UPP2: variants seen among roughly 807,000 people sequenced by gnomAD.
UPP2 encodes UPase 2.
In UPP2, 23 loss-of-function variants were observed where a neutral mutation model predicts 26.7. The observed-to-expected ratio is 0.86, with a 90% CI of 0.62 to 1.22. The LOEUF is 1.22. Among genes scored for constraint, UPP2 ranks in the 50% most tolerant of loss-of-function variants. UPP2 has a pLI of 0.00. For synonymous variants in UPP2, 127 were observed against 141.3 expected (o/e 0.90, Z 0.72); for missense variants, 387 against 396.7 (o/e 0.98, Z 0.21).
At chr2:158,120,041 A>T (rs555774750) in intron 4 of UPP2, among the ~76,000 whole-genome samples, 5 of 151,054 alleles carry the variant, frequency 3.3e-5, no homozygotes, top group South Asian at 4.2e-4. Context: ...AAAATAAATT[A>T]AAAAAAAATA....
rs79004922 is a variant in UPP2, at chr2:157,999,803, A to G, written c.61+4544A>G. The stretch of plus-strand genomic sequence containing the variant: ...GAATAAAAGTTAAGAAAAATTTTAC[A>G]TCTATTTTTATTTTGGGATGCTATT... On this transcript the variant is annotated intron_variant, in intron 2 of 9. Coordinates refer to the UPP2 transcript ENST00000605860. 3.3e-3 allele frequency among the ~76,000 whole-genome samples: 505 copies of G among 152,284 alleles called. 12 individuals carry two copies. In the East Asian group the frequency reaches 0.045, roughly 14 times the overall value.
Position 158,085,304 on chromosome 2 carries a change from T to C in UPP2, c.148-16736T>C, listed in dbSNP as rs577267080. ...GTTTTCAATTTCATTCTCAGCTTGG[T>C]TGCTGTTGGTGTATAGCAAAGCTAC... On this transcript the variant is annotated intron_variant, in intron 3 of 9. Coordinates refer to the UPP2 transcript ENST00000605860. 2.2e-4 allele frequency among the ~76,000 whole-genome samples: 34 copies of C among 152,218 alleles called. No individual in the cohort carries two copies. The South Asian group carries it at 7.0e-3, about 32-fold the overall frequency.
intron 3 of UPP2, among the ~76,000 whole-genome samples, chr2:158,087,109 T>A (rs989039461): frequency 6.6e-6 from 1 of 152,206 alleles, no homozygotes; most frequent in Admixed American, 6.5e-5. Flanking sequence ...ACTATTAATA[T>A]GTTGCCATCT....
At chr2:158,082,944 CAT>C (rs777793134) in intron 3 of UPP2, among the ~76,000 whole-genome samples, 18 of 152,172 alleles carry the variant, frequency 1.2e-4, no homozygotes, top group Non-Finnish European at 2.4e-4. Flanking sequence ...AGCCAACAAA[CAT>C]ATGAAAGAAA....
chr2:158,096,365 A>G (rs1682985053), intron 3 of UPP2, among the ~76,000 whole-genome samples: 1 of 152,180 alleles, frequency 6.6e-6, no homozygotes, highest in African/African-American at 2.4e-5. Context: ...TTGGGAGGCC[A>G]AGGCAGGCGG....
Position 158,074,690 on chromosome 2 carries a change from T to TACACATAC in UPP2, c.148-27345_148-27344insTACACACA, listed in dbSNP as rs372083360. Among the ~76,000 whole-genome samples, 838 of 135,480 alleles carry TACACATAC rather than the reference T, an allele frequency of 6.2e-3. 8 individuals are homozygous for TACACATAC. The highest frequency in any genetic ancestry group is 0.037 in the Middle Eastern group (10 of 268). 88.9% of individuals were successfully genotyped at this position (135,480 alleles called of 152,430 possible). Reference sequence around the variant, plus strand: ...GGAAAGAAGGAATAGAAGACCTTCATACACACACACACACACACACACACA... The same window carrying TACACATAC: ...GGAAAGAAGGAATAGAAGACCTTCATACACATACACACACACACACACACACACACACA... On this transcript the variant is annotated intron_variant, in intron 3 of 9. Transcript: ENST00000605860.
At chr2:158,133,248 T>C (rs753643486) in intron 6 of UPP2, among the ~76,000 whole-genome samples, 5 of 152,260 alleles carry the variant, frequency 3.3e-5, no homozygotes, top group Admixed American at 6.5e-5. Context: ...GCCATTTTGT[T>C]AAGTGAAATA....
intron 3 of UPP2, among the ~76,000 whole-genome samples, chr2:158,086,778 T>C (rs570706408): frequency 6.6e-6 from 1 of 152,294 alleles, no homozygotes; most frequent in African/African-American, 2.4e-5. Flanking sequence ...GGTTATTTAA[T>C]TTGCAGGTAT....
chr2:158,056,385 G>A (rs567740941), intron 3 of UPP2, among the ~76,000 whole-genome samples: 1 of 152,054 alleles, frequency 6.6e-6, no homozygotes, highest in Non-Finnish European at 1.5e-5. Flanking sequence ...AGTTGATTCA[G>A]ATGTCTTTGT....
chr2:158,087,527 G>A (rs1479342158), intron 3 of UPP2, among the ~76,000 whole-genome samples: 2 of 152,050 alleles, frequency 1.3e-5, no homozygotes, highest in African/African-American at 2.4e-5. Flanking sequence ...TATTCATCAC[G>A]CTATTTGTTG....
In UPP2 at chr2:158,029,123, T is replaced by C. The variant is rs76072670; in HGVS notation, c.147+13237T>C. On this transcript the variant is annotated intron_variant, in intron 3 of 9. Transcript: ENST00000605860. ...AAATTTTGCCTTAAACAAGACATCA[T>C]TGTAAGTCTGAATGGTTCAATGGTA... Among the ~76,000 whole-genome samples the C allele has an allele frequency of 3.2e-3, 490 of 152,348 alleles. 2 individuals carry two copies. The highest frequency in any genetic ancestry group is 0.01 in the African/African-American group (431 of 41,586).
At chr2:158,114,134 T>TACCTA (rs1683373871) in intron 2 of UPP2, among the ~76,000 whole-genome samples, 1 of 152,220 alleles carries the variant, frequency 6.6e-6, no homozygotes, top group Admixed American at 6.5e-5. Flanking sequence ...AAGCCAGGTT[T>TACCTA]ACCTAACCTC....
At chr2:158,101,868 T>A, upstream of UPP2, 1 of 1,344,438 alleles carries the variant, frequency 7.4e-7, no homozygotes, top group Non-Finnish European at 9.5e-7. Flanking sequence ...GAGGACATCT[T>A]TTATTTGATA....
intron 3 of UPP2, among the ~76,000 whole-genome samples, chr2:158,083,677 G>A (rs28807099): frequency 0.022 from 3,386 of 151,580 alleles, 130 homozygotes; most frequent in African/African-American, 0.074. Flanking sequence ...TAGGTTCTGT[G>A]CATGTATCCC....
At chr2:158,114,141 C>T (rs763949656) in intron 2 of UPP2, among the ~76,000 whole-genome samples, 8 of 152,178 alleles carry the variant, frequency 5.3e-5, no homozygotes, top group Non-Finnish European at 8.8e-5. Context: ...GTTTACCTAA[C>T]CTCAAAGGGC....
chr2:158,035,285 T>G (rs1683983160), intron 3 of UPP2, among the ~76,000 whole-genome samples: 2 of 151,830 alleles, frequency 1.3e-5, no homozygotes, highest in African/African-American at 4.8e-5. Context: ...AGCTCCTGAG[T>G]AGCTGGGATT....
At chr2:158,106,524 T>G (rs1683201141) in intron 2 of UPP2, among the ~76,000 whole-genome samples, 1 of 152,200 alleles carries the variant, frequency 6.6e-6, no homozygotes, top group African/African-American at 2.4e-5. Flanking sequence ...TTTAACAGAT[T>G]CAGCTCACTA....
chr2:158,004,232 A>G (rs1683452180), intron 2 of UPP2, among the ~76,000 whole-genome samples: 1 of 152,210 alleles, frequency 6.6e-6, no homozygotes, highest in African/African-American at 2.4e-5. Flanking sequence ...TATTACTTTT[A>G]TAATTAGAAA....
In UPP2 at chr2:158,135,567, G is replaced by C. The variant is rs1683914494; in HGVS notation, c.*677G>C. 6.6e-6 allele frequency: 1 copy of C among 152,168 alleles called. No homozygotes were observed. The highest frequency in any genetic ancestry group is 1.5e-5 in the Non-Finnish European group (1 of 68,026). 9.4% of individuals were successfully genotyped at this position (152,168 alleles called of 1,614,324 possible). ...TTCCTTTTTCTTCAGAATCACAAGT[G>C]ACTAAATTGCCTTCTAGCCATTTTT... On this transcript the variant is annotated 3_prime_UTR_variant, in exon 7 of 7. Transcript: ENST00000005756.
Sources: allele counts gnomAD v4.1 joint callset (sites outside exome capture counted in the v4.1 genomes callset), GRCh38; gene constraint gnomAD v4.1.1; transcripts MANE v1.5; gene names NCBI Gene and HGNC (gene_info 2026-07-23, HGNC 2026-07-21).